The following SLMAP variants were observed in gnomAD, a reference collection of about 807,000 sequenced individuals.
SLMAP encodes sarcolemma associated protein, also known as sarcolemmal membrane-associated protein.
A neutral mutation model predicts 128.8 loss-of-function variants in SLMAP; 44 were observed. The observed-to-expected ratio is 0.34, with a 90% CI of 0.27 to 0.44. The LOEUF is 0.44. SLMAP is among the 20% of genes least tolerant of loss of function. The probability of loss-of-function intolerance (pLI) is 1.00; values close to 1 mark genes in which losing one functional copy is unlikely to be tolerated. For missense variants in SLMAP, 787 were observed against 985.3 expected (o/e 0.80, Z 2.69); for synonymous variants, 327 against 348.8 (o/e 0.94, Z 0.70).
chr3:57,789,939 C>T (rs1325861908), intron 2 of SLMAP, among the ~76,000 whole-genome samples: 8 of 152,086 alleles, frequency 5.3e-5, no homozygotes, highest in Non-Finnish European at 2.9e-5. Context: ...TGGGTTCAAG[C>T]GATTCTCCTG....
intron 10 of SLMAP, among the ~76,000 whole-genome samples, chr3:57,863,217 G>A (rs1483649092): frequency 6.6e-6 from 1 of 152,038 alleles, no homozygotes; most frequent in Admixed American, 6.6e-5. Context: ...CTAGGATAAG[G>A]ACAGATCAGA....
chr3:57,912,529 C>A lies in SLMAP; in HGVS notation c.1848C>A (p.Asp616Glu). The change falls in exon 20 of 25, where the codon GAC (aspartate) becomes GAA (glutamate). Residue 616 changes from aspartate to glutamate, a missense_variant. Around this residue, in one of 2 missense-constraint regions of SLMAP, gnomAD observed 715 missense variants for 843.6 expected, o/e 0.85. Coordinates refer to ENST00000671191, the MANE Select transcript of SLMAP (RefSeq NM_001377540.1). ...CAGCAAAGGTTGCCTCTGAGCGGGA[C>A]ACTGACATTGCTTCTTTACAAGAAG... ...QAAAKVASERDTDIASLQEEL... is the reference protein window; with the variant it reads ...QAAAKVASERETDIASLQEEL... The A allele has an allele frequency of 6.2e-7, 1 of 1,614,162 alleles. No individual in the cohort carries two copies. Among genetic ancestry groups the A allele is most frequent in the Non-Finnish European group, 8.5e-7 (1 of 1,180,028 alleles).
In SLMAP at chr3:57,770,192, C is replaced by T. The variant is rs561382282; in HGVS notation, c.198+12343C>T. Among the ~76,000 whole-genome samples, 7 of 152,212 alleles carry T rather than the reference C, an allele frequency of 4.6e-5. No homozygotes were observed. In the East Asian group the frequency reaches 1.4e-3, roughly 29 times the overall value. ...GCGGTGTGGTGTCCAGCACATAATC[C>T]TGGAAAAATATAATTACGATACAAA... On this transcript the variant is annotated intron_variant, in intron 2 of 24. Coordinates refer to ENST00000671191, the MANE Select transcript of SLMAP (RefSeq NM_001377540.1).
chr3:57,905,206 A>G (rs149383283), intron 17 of SLMAP, among the ~76,000 whole-genome samples: 359 of 152,296 alleles, frequency 2.4e-3, no homozygotes, highest in Non-Finnish European at 4.1e-3. Flanking sequence ...ACACATATCT[A>G]TATTTATTTC....
At chr3:57,771,168 CCTCCCCTCCCCTCTCCT>C (rs2080790929) in intron 2 of SLMAP, among the ~76,000 whole-genome samples, 1 of 145,724 alleles carries the variant, frequency 6.9e-6, no homozygotes, top group Non-Finnish European at 1.5e-5. Context: ...CCTCCCCTCC[CCTCCCCTCCCCTCTCCT>C]CTCCTCCCTT....
At chr3:57,777,839 A>T (rs143504904) in intron 2 of SLMAP, among the ~76,000 whole-genome samples, 1 of 152,366 alleles carries the variant, frequency 6.6e-6, no homozygotes, top group South Asian at 2.1e-4. Context: ...TTTCTACTCA[A>T]TTAAAAACTT....
intron 3 of SLMAP, among the ~76,000 whole-genome samples, chr3:57,839,646 C>T (rs1462954395): frequency 6.6e-6 from 1 of 151,898 alleles, no homozygotes; most frequent in Non-Finnish European, 1.5e-5. Context: ...CTCTGTCGCC[C>T]AGGCTGGAGT....
intron 14 of SLMAP, among the ~76,000 whole-genome samples, chr3:57,877,208 A>G (rs936098440): frequency 2.0e-5 from 3 of 152,144 alleles, no homozygotes; most frequent in East Asian, 1.9e-4. Context: ...TAACTAGGAA[A>G]AATTATAGTC....
In SLMAP at chr3:57,891,598, C is replaced by T. The variant is rs186231280; in HGVS notation, c.1360+1498C>T. Among the ~76,000 whole-genome samples, 121 of 148,674 alleles carry T rather than the reference C, an allele frequency of 8.1e-4. 1 individual carries two copies. Among genetic ancestry groups the T allele is most frequent in the African/African-American group, 2.3e-3 (95 of 40,456 alleles). On this transcript the variant is annotated intron_variant, in intron 15 of 24. Transcript: ENST00000671191. ...AACCCTTTTTTTTTTTTCCTTGAGA[C>T]GGAGTTTCGCTCATGTTGCCCAGGC...
intron 17 of SLMAP, among the ~76,000 whole-genome samples, chr3:57,902,635 A>G (rs997978993): frequency 6.6e-6 from 1 of 152,154 alleles, no homozygotes; most frequent in African/African-American, 2.4e-5. Context: ...GGCCTTGGTA[A>G]TCTTATCTAG....
chr3:57,879,964 A>T (rs1442757568), intron 14 of SLMAP, among the ~76,000 whole-genome samples: 12 of 150,586 alleles, frequency 8.0e-5, no homozygotes, highest in African/African-American at 1.5e-4. Flanking sequence ...AAAAAAAAAT[A>T]AAAATAAAAA....
intron 17 of SLMAP, chr3:57,901,487 C>T (rs2096378324): frequency 6.6e-6 from 1 of 152,088 alleles, no homozygotes; most frequent in African/African-American, 2.4e-5. Flanking sequence ...TGTGTCTTAC[C>T]ATATGTGATA....
chr3:57,855,609 G>A (rs1271955840), intron 6 of SLMAP, among the ~76,000 whole-genome samples: 1 of 148,170 alleles, frequency 6.7e-6, no homozygotes, highest in Non-Finnish European at 1.5e-5. Flanking sequence ...AGGCATGGTG[G>A]CTCATGCCTG....
intron 14 of SLMAP, among the ~76,000 whole-genome samples, chr3:57,880,780 G>A (rs1256442305): frequency 3.3e-5 from 5 of 152,104 alleles, no homozygotes; most frequent in Non-Finnish European, 7.4e-5. Context: ...ACCTGCCCGG[G>A]AGGCTGAGGT....
In SLMAP at chr3:57,871,668, A is replaced by G. The variant is rs746146243; in HGVS notation, c.1270A>G (p.Thr424Ala). The G allele has an allele frequency of 1.2e-5, 19 of 1,612,516 alleles. No homozygotes were observed. The highest frequency in any genetic ancestry group is 1.5e-5 in the Non-Finnish European group (18 of 1,179,098). Residue 424 changes from threonine to alanine, a missense_variant, in exon 14 of 25, where the codon ACT becomes GCT. Thr to Ala is a moderately conservative substitution (Grantham distance 58). This residue lies in a region of SLMAP where 715 missense variants were observed against 843.6 expected (regional missense o/e 0.85). Transcript: ENST00000671191. Reference sequence around the variant, plus strand: ...GCTTTCAAAGAGTGGCGGGGACTGCACTTTTATTCATCAATTCATAGAATG... The same window carrying G: ...GCTTTCAAAGAGTGGCGGGGACTGCGCTTTTATTCATCAATTCATAGAATG... ...HLLSKSGGDC[T>A]FIHQFIECQK...
intron 2 of SLMAP, among the ~76,000 whole-genome samples, chr3:57,807,272 A>C (rs1374518152): frequency 6.6e-6 from 1 of 152,224 alleles, no homozygotes; most frequent in African/African-American, 2.4e-5. Context: ...GACCTTTGTC[A>C]GATGGGTAGA....
In SLMAP at chr3:57,861,829, G is replaced by A. The variant is rs973944094; in HGVS notation, c.829-120G>A. Reference sequence around the variant, plus strand: ...GACTCAGCTTTATTTAAAGTCCAGGGCAGATGTTGATTTAGAATAGTCCAT... The same window carrying A: ...GACTCAGCTTTATTTAAAGTCCAGGACAGATGTTGATTTAGAATAGTCCAT... On this transcript the variant is annotated intron_variant, in intron 9 of 24. Coordinates refer to ENST00000671191, the MANE Select transcript of SLMAP (RefSeq NM_001377540.1). 23 of 777,456 alleles carry A rather than the reference G, an allele frequency of 3.0e-5. No homozygotes were observed. In the African/African-American group the frequency reaches 4.2e-4, roughly 14 times the overall value. 48.2% of individuals were successfully genotyped at this position (777,456 alleles called of 1,614,324 possible). A position where few individuals can be genotyped will look rare whatever the true frequency, so the allele number is the denominator to read the frequency against.
chr3:57,917,212 T>G (rs6792554), intron 22 of SLMAP, 135 bp downstream of exon 22: 1 of 1,527,772 alleles, frequency 6.5e-7, no homozygotes, highest in African/African-American at 1.4e-5. Flanking sequence ...TTGGAACATC[T>G]CTGCTTGGTG....
intron 2 of SLMAP, among the ~76,000 whole-genome samples, chr3:57,803,255 A>T (rs1576731435): frequency 6.6e-6 from 1 of 152,318 alleles, no homozygotes; most frequent in South Asian, 2.1e-4. Context: ...GTATTAAAAA[A>T]GGCCATCAAG....
Sources: gnomAD v4.1 joint callset for allele counts (sites outside exome capture counted in the v4.1 genomes callset) on GRCh38, gnomAD v4.1.1 for gene constraint, gnomAD v4.1.1 regional missense constraint, MANE v1.5 for transcripts, NCBI Gene and HGNC (gene_info 2026-07-23, HGNC 2026-07-21) for gene names.